CSRP1: variants seen among roughly 807,000 people sequenced by gnomAD.
The protein encoded by CSRP1 is cysteine and glycine-rich protein 1.
Under a neutral mutation model 25.4 loss-of-function variants are expected in CSRP1, and 16 were observed. The ratio of observed to expected loss-of-function variants is 0.63; its 90% CI spans 0.43 to 0.96. The LOEUF (loss-of-function observed/expected upper bound fraction) is 0.96. CSRP1 is among the 40% of genes least tolerant of loss of function. The pLI, the probability that CSRP1 is intolerant of heterozygous loss-of-function variation, is 0.00. For missense variants in CSRP1, 212 were observed against 243.6 expected, an observed-to-expected ratio of 0.87 and a Z score of 0.86; for synonymous variants, 97 against 95.3, an observed-to-expected ratio of 1.02 and a Z score of -0.10.
At chr1:201,503,319 C>A (rs367598252) in intron 1 of CSRP1, among the ~76,000 whole-genome samples, 39 of 152,282 alleles carry the variant, frequency 2.6e-4, no homozygotes, top group Middle Eastern at 3.4e-3. Context: ...TTATTCCATG[C>A]TGAACAAAAT....
rs1400185835 is a variant in CSRP1 at position 201,484,387 on chromosome 1, G to A, written c.*326C>T. On this transcript the variant is annotated 3_prime_UTR_variant, in exon 6 of 6. Transcript: ENST00000340006. ...GATGTGTCCTCAGGTGTCTTGGTCAGCTGATGATGGACACGCAGCACAGGA... is the reference window on the plus strand; with the variant it reads ...GATGTGTCCTCAGGTGTCTTGGTCAACTGATGATGGACACGCAGCACAGGA... 1 of 498,400 alleles carries A rather than the reference G, an allele frequency of 2.0e-6. No individual in the cohort carries two copies. The highest frequency in any genetic ancestry group is 3.0e-5 in the East Asian group (1 of 33,256). 30.9% of individuals were successfully genotyped at this position (498,400 alleles called of 1,614,324 possible). A position where few individuals can be genotyped will look rare whatever the true frequency, so the allele number is the denominator to read the frequency against.
chr1:201,503,571 G>A (rs1664727954), intron 1 of CSRP1, among the ~76,000 whole-genome samples: 1 of 152,106 alleles, frequency 6.6e-6, no homozygotes, highest in Non-Finnish European at 1.5e-5. Context: ...CTCAGACGCT[G>A]CCTTCTGGCC....
At chr1:201,506,370 A>G (rs752377000) in intron 1 of CSRP1, among the ~76,000 whole-genome samples, 1 of 152,198 alleles carries the variant, frequency 6.6e-6, no homozygotes, top group African/African-American at 2.4e-5. Flanking sequence ...AACCAGAAGC[A>G]TGCAAAATAT....
intron 4 of CSRP1, chr1:201,488,357 T>G (rs1396002976): frequency 6.5e-6 from 1 of 152,806 alleles, no homozygotes. Flanking sequence ...CTCTGGTAGG[T>G]CTGAACCTTG....
chr1:201,490,868 T>C (rs1039831211), intron 2 of CSRP1: 1 of 152,438 alleles, frequency 6.6e-6, no homozygotes, highest in East Asian at 1.9e-4. Flanking sequence ...CCATAAGAAA[T>C]GTTTAACATT....
At chr1:201,498,332 G>A (rs1466361786) in intron 1 of CSRP1, among the ~76,000 whole-genome samples, 1 of 152,234 alleles carries the variant, frequency 6.6e-6, no homozygotes, top group South Asian at 2.1e-4. Context: ...ACCTACAGTG[G>A]GTACAGGCTT....
intron 2 of CSRP1, chr1:201,493,044 TC>T (rs1429824998): frequency 1.3e-5 from 2 of 152,290 alleles, no homozygotes; most frequent in Non-Finnish European, 2.9e-5. Context: ...TAACCCACCT[TC>T]CCCAGCAGGG....
intron 5 of CSRP1, among the ~76,000 whole-genome samples, chr1:201,485,063 G>A (rs1413428890): frequency 6.6e-6 from 1 of 151,984 alleles, no homozygotes; most frequent in Non-Finnish European, 1.5e-5. Flanking sequence ...GGAAGCCAGG[G>A]TCTAGCCCTA....
intron 1 of CSRP1, among the ~76,000 whole-genome samples, chr1:201,498,360 A>T (rs1292713842): frequency 6.6e-6 from 1 of 152,228 alleles, no homozygotes; most frequent in Non-Finnish European, 1.5e-5. Context: ...GGGGTTGCCC[A>T]GGACTTGGTG....
intron 1 of CSRP1, among the ~76,000 whole-genome samples, chr1:201,506,071 G>T (rs1476350561): frequency 1.9e-4 from 29 of 152,194 alleles, no homozygotes; most frequent in Non-Finnish European, 1.5e-5. Context: ...TTTGTCCAAG[G>T]AAACCTGCGC....
intron 1 of CSRP1, among the ~76,000 whole-genome samples, chr1:201,498,394 G>A (rs1359177976): frequency 2.0e-5 from 3 of 152,206 alleles, no homozygotes; most frequent in South Asian, 2.1e-4. Context: ...GGGAGGTGCC[G>A]GGAAATAAAG....
intron 1 of CSRP1, among the ~76,000 whole-genome samples, chr1:201,501,885 C>T (rs532909761): frequency 3.2e-4 from 49 of 151,944 alleles, no homozygotes; most frequent in African/African-American, 1.1e-3. Context: ...CCCAGCTACT[C>T]CGGAGGCTGA....
chr1:201,488,929 T>C lies in CSRP1; in HGVS notation c.337A>G (p.Ile113Val). ...NPNASKFAQK[I>V]GGSERCPRCS... is the part of the protein sequence containing the mutation. ...CGGGGGCAGCGCTCGGAGCCACCAA[T>C]CTTCTGGGCAAATTTGGATGCATTG... is the stretch of plus-strand genomic sequence containing the variant. Residue 113 changes from isoleucine to valine, a missense_variant, in exon 4 of 6, where the codon ATT (isoleucine) becomes GTT (valine). By Grantham distance (29) the Ile-to-Val change is conservative. Coordinates refer to ENST00000340006, the MANE Select transcript of CSRP1 (RefSeq NM_004078.3). 1 of 1,614,130 alleles carries C rather than the reference T, an allele frequency of 6.2e-7. No homozygotes were observed.
chr1:201,504,341 C>T (rs1557977994), intron 1 of CSRP1, among the ~76,000 whole-genome samples: 1 of 152,184 alleles, frequency 6.6e-6, no homozygotes, highest in Non-Finnish European at 1.5e-5. Context: ...CTCACACTGT[C>T]TGGTACACTG....
chr1:201,488,389 T>C (rs1190470338), intron 4 of CSRP1: 1 of 153,030 alleles, frequency 6.5e-6, no homozygotes, highest in Non-Finnish European at 1.5e-5. Context: ...CCTGGGGGTA[T>C]TTGGATGGGT....
Position 201,496,551 on chromosome 1 carries a change from C to T in CSRP1, c.-1-247G>A, listed in dbSNP as rs979830401. The T allele has an allele frequency of 7.5e-6, 4 of 534,240 alleles. No homozygotes were observed. The South Asian group carries it at 8.5e-5, about 11-fold the overall frequency. 33.1% of individuals were successfully genotyped at this position (534,240 alleles called of 1,614,324 possible). On this transcript the variant is annotated intron_variant, in intron 1 of 5. Transcript: ENST00000340006. ...CAGAGCAGCTGCTGCATTTTCAGCC[C>T]TGTGCTAGGCACTCTAAAGGATGTG...
chr1:201,484,909 C>A (rs942353370), intron 5 of CSRP1, 120 bp from the exon 6 acceptor site: 9 of 800,304 alleles, frequency 1.1e-5, no homozygotes, highest in Admixed American at 2.2e-5. Context: ...GAAGGAAGGT[C>A]CACTGGTACC....
At position 201,486,833 on chromosome 1, in the gene CSRP1, C is replaced by T. The variant is rs549988198; in HGVS notation, c.412-1457G>A. Reference sequence around the variant, plus strand: ...TCTCTTATCCTACTCCTTAGTACAGCCCTAACTTTACCTTATAGCCTGCCT... The same window carrying T: ...TCTCTTATCCTACTCCTTAGTACAGTCCTAACTTTACCTTATAGCCTGCCT... On this transcript the variant is annotated intron_variant, in intron 4 of 5. Transcript: ENST00000340006. The T allele has an allele frequency of 8.1e-4, 962 of 1,191,288 alleles. 8 individuals are homozygous for T. In the Middle Eastern group the frequency reaches 0.017, roughly 21 times the overall value. 73.8% of individuals were successfully genotyped at this position (1,191,288 alleles called of 1,614,324 possible).
rs905147291 is a variant in CSRP1, at chr1:201,485,361, A to G, written c.427T>C (p.Cys143Arg). Reference sequence around the variant, plus strand: ...TTGCCACACTTGGCACATCGAAAGCAGGCCTTATGCCAGGACTAGGCAGGG... The same window carrying G: ...TTGCCACACTTGGCACATCGAAAGCGGGCCTTATGCCAGGACTAGGCAGGG... The part of the protein sequence containing the change: ...IGAGKSWHKA[C>R]FRCAKCGKGL... Residue 143 changes from cysteine (C) to arginine (R), a missense_variant, in exon 5 of 6, where the codon TGC becomes CGC. Transcript: ENST00000340006. The G allele has an allele frequency of 6.2e-7, 1 of 1,614,098 alleles. No homozygotes were observed. The highest frequency in any genetic ancestry group is 1.3e-5 in the African/African-American group (1 of 74,952).
Sources: allele counts gnomAD v4.1 joint callset (sites outside exome capture counted in the v4.1 genomes callset), GRCh38; gene constraint gnomAD v4.1.1; transcripts MANE v1.5; gene names NCBI Gene and HGNC (gene_info 2026-07-23, HGNC 2026-07-21).